The following SLC39A9 variants were observed in gnomAD, a reference collection of about 807,000 sequenced individuals.
The protein encoded by SLC39A9 is zinc transporter ZIP9.
In SLC39A9, 14 loss-of-function variants were observed where a neutral mutation model predicts 28.4. The observed-to-expected ratio is 0.49, with a 90% CI of 0.33 to 0.77. The LOEUF is 0.77. SLC39A9 is among the 30% of genes least tolerant of loss of function. SLC39A9 has a pLI of 0.02. For synonymous variants in SLC39A9, 119 were observed against 149.6 expected (o/e 0.80, Z 1.49); for missense variants, 283 against 381.1 (o/e 0.74, Z 2.14).
At chr14:69,456,074 C>G (rs1885843265) in intron 6 of SLC39A9, among the ~76,000 whole-genome samples, 1 of 152,190 alleles carries the variant, frequency 6.6e-6, no homozygotes, top group Admixed American at 6.5e-5. Flanking sequence ...AACTTCTTCC[C>G]TATCAATCAG....
At chr14:69,438,067 G>A (rs1192614100) in intron 2 of SLC39A9, among the ~76,000 whole-genome samples, 1 of 149,560 alleles carries the variant, frequency 6.7e-6, no homozygotes. Context: ...TGTCACCCAG[G>A]CTGGAGTGCA....
chr14:69,450,500 C>G (rs1296576211), intron 3 of SLC39A9, among the ~76,000 whole-genome samples: 1 of 152,022 alleles, frequency 6.6e-6, no homozygotes, highest in Non-Finnish European at 1.5e-5. Flanking sequence ...TCAGGCCAGT[C>G]ACAATGGTGC....
At chr14:69,438,371 A>G (rs1419305987) in intron 2 of SLC39A9, among the ~76,000 whole-genome samples, 2 of 152,178 alleles carry the variant, frequency 1.3e-5, no homozygotes, top group East Asian at 3.8e-4. Flanking sequence ...TACTTCAAGA[A>G]AGACGTTTGT....
chr14:69,411,838 A>G (rs1311455584), intron 1 of SLC39A9, among the ~76,000 whole-genome samples: 1 of 147,430 alleles, frequency 6.8e-6, no homozygotes, highest in African/African-American at 2.6e-5. Flanking sequence ...GCTGGAGTGC[A>G]GTGGCGGGAT....
intron 1 of SLC39A9, among the ~76,000 whole-genome samples, chr14:69,400,256 C>A (rs1374283954): frequency 6.6e-6 from 1 of 152,118 alleles, no homozygotes; most frequent in Non-Finnish European, 1.5e-5. Flanking sequence ...AGAAGGGGAG[C>A]CTTGGAATTG....
Position 69,460,050 on chromosome 14 carries a change from A to G in SLC39A9, c.*1457A>G. The G allele has an allele frequency of 1.0e-6, 1 of 984,316 alleles. No individual in the cohort carries two copies. Among genetic ancestry groups the G allele is most frequent in the Non-Finnish European group, 1.2e-6 (1 of 828,668 alleles). 61.0% of individuals were successfully genotyped at this position (984,316 alleles called of 1,614,324 possible). On this transcript the variant is annotated 3_prime_UTR_variant, in exon 7 of 7. Transcript: ENST00000336643. The stretch of plus-strand genomic sequence containing the variant: ...AACAGACTAGGATAATTTTTTTTTC[A>G]TATTTGCCAAAATTTTTGTAAACCC...
chr14:69,441,849 C>T, intron 2 of SLC39A9: 2 of 1,300,626 alleles, frequency 1.5e-6, no homozygotes, highest in Non-Finnish European at 9.8e-7. Flanking sequence ...GAATAATAGG[C>T]AGTCAGAAGG....
chr14:69,446,054 T>C (rs1375185104), intron 3 of SLC39A9, among the ~76,000 whole-genome samples: 1 of 151,970 alleles, frequency 6.6e-6, no homozygotes, highest in Non-Finnish European at 1.5e-5. Flanking sequence ...TTGTTTGTAA[T>C]GGAATGGGCA....
At chr14:69,421,429 G>A (rs936877993) in intron 1 of SLC39A9, among the ~76,000 whole-genome samples, 5 of 152,192 alleles carry the variant, frequency 3.3e-5, no homozygotes, top group African/African-American at 1.2e-4. Context: ...CTACCGGGAG[G>A]TATCTCCCAC....
chr14:69,432,813 T>C (rs2140285334), intron 2 of SLC39A9, among the ~76,000 whole-genome samples: 1 of 152,154 alleles, frequency 6.6e-6, no homozygotes, highest in African/African-American at 2.4e-5. Context: ...GAGTCCTCCA[T>C]GGTCACTTTG....
chr14:69,416,560 A>G (rs1386570675), intron 1 of SLC39A9, among the ~76,000 whole-genome samples: 2 of 152,212 alleles, frequency 1.3e-5, no homozygotes, highest in African/African-American at 4.8e-5. Context: ...GTCTTCCACA[A>G]TGGTTGAACT....
intron 6 of SLC39A9, 41 bp downstream of exon 6, chr14:69,455,907 TGATCTCTTA>T: frequency 6.3e-7 from 1 of 1,596,188 alleles, no homozygotes; most frequent in Non-Finnish European, 8.5e-7. Context: ...CAGTGTCTTG[TGATCTCTTA>T]GAATTTATGA....
chr14:69,398,735 A>C lies in SLC39A9; in HGVS notation c.-635A>C, dbSNP rs1882449207. On this transcript the variant is annotated 5_prime_UTR_variant, in exon 1 of 7. Coordinates refer to ENST00000336643, the MANE Select transcript of SLC39A9 (RefSeq NM_018375.5). Reference sequence around the variant, plus strand: ...GGCCATGGCAGCTGTAGTATCGGCGACTCCGGGTCAAGGCCCGGTCGAGTG... The same window carrying C: ...GGCCATGGCAGCTGTAGTATCGGCGCCTCCGGGTCAAGGCCCGGTCGAGTG... 4.7e-6 allele frequency: 1 copy of C among 213,928 alleles called. No individual in the cohort carries two copies. Among genetic ancestry groups the C allele is most frequent in the Non-Finnish European group, 9.6e-6 (1 of 104,112 alleles). 13.3% of individuals were successfully genotyped at this position (213,928 alleles called of 1,614,324 possible).
chr14:69,441,933 G>C (rs1036658335), intron 2 of SLC39A9, 136 bp from the exon 3 acceptor site: 2 of 1,421,322 alleles, frequency 1.4e-6, no homozygotes, highest in African/African-American at 2.9e-5. Flanking sequence ...TTAATGATTG[G>C]CTGGATTACA....
At chr14:69,435,374 TGA>T (rs1884690991) in intron 2 of SLC39A9, among the ~76,000 whole-genome samples, 2 of 152,260 alleles carry the variant, frequency 1.3e-5, no homozygotes, top group Non-Finnish European at 2.9e-5. Context: ...AGTTTTCTCT[TGA>T]TCAGTGTTTC....
At chr14:69,427,268 T>G (rs1884249883) in intron 2 of SLC39A9, among the ~76,000 whole-genome samples, 2 of 152,130 alleles carry the variant, frequency 1.3e-5, no homozygotes. Flanking sequence ...CCTTCCAAAG[T>G]GCTGGGATTA....
In SLC39A9 at chr14:69,458,820, T is replaced by G. The variant is rs1177174811; in HGVS notation, c.*227T>G. 1.6e-6 allele frequency: 2 copies of G among 1,283,474 alleles called. No homozygotes were observed. The highest frequency in any genetic ancestry group is 2.0e-6 in the Non-Finnish European group (2 of 1,015,216). 79.5% of individuals were successfully genotyped at this position (1,283,474 alleles called of 1,614,324 possible). A position where few individuals can be genotyped will look rare whatever the true frequency, so the allele number is the denominator to read the frequency against. On this transcript the variant is annotated 3_prime_UTR_variant, in exon 7 of 7. Coordinates refer to ENST00000336643, the MANE Select transcript of SLC39A9 (RefSeq NM_018375.5). ...TATAGACATCCCATTGTGTTATCTT[T>G]TAAAAGGCCCTTGACATTTTGCGTT...
chr14:69,460,753 A>G lies in SLC39A9; in HGVS notation c.*2160A>G. On this transcript the variant is annotated 3_prime_UTR_variant, in exon 7 of 7. Transcript: ENST00000336643. ...TTTGCCTTCCCCTCTGGACCTCACT[A>G]TTAACAAGCAAACCTTTCAGGGCCC... 3 of 985,468 alleles carry G rather than the reference A, an allele frequency of 3.0e-6. No homozygotes were observed. Among genetic ancestry groups the G allele is most frequent in the Non-Finnish European group, 3.6e-6 (3 of 829,956 alleles). 61.0% of individuals were successfully genotyped at this position (985,468 alleles called of 1,614,324 possible).
chr14:69,404,206 A>G (rs1338388678), intron 1 of SLC39A9, among the ~76,000 whole-genome samples: 1 of 152,338 alleles, frequency 6.6e-6, no homozygotes, highest in Middle Eastern at 3.4e-3. Context: ...CACTGGCAAC[A>G]TAAGGAGACC....
Sources: gnomAD v4.1 joint callset for allele counts (sites outside exome capture counted in the v4.1 genomes callset) on GRCh38, gnomAD v4.1.1 for gene constraint, MANE v1.5 for transcripts, NCBI Gene and HGNC (gene_info 2026-07-23, HGNC 2026-07-21) for gene names.